CALB2: variants seen among roughly 807,000 people sequenced by gnomAD.
The protein encoded by CALB2 is calbindin 2.
A neutral mutation model predicts 45.9 loss-of-function variants in CALB2; 34 were observed. That is an observed-to-expected ratio of 0.74 (90% confidence interval 0.56 to 0.99). CALB2 has a LOEUF of 0.99. CALB2 is among the 50% of genes least tolerant of loss of function. The pLI is 0.00. For synonymous variants in CALB2, 142 were observed against 129.6 expected (o/e 1.10, Z -0.65); for missense variants, 344 against 339.3 (o/e 1.01, Z -0.11).
intron 10 of CALB2, among the ~76,000 whole-genome samples, chr16:71,388,346 A>AAGAAAAAG (rs112542398): frequency 1.1e-4 from 15 of 137,152 alleles, no homozygotes; most frequent in East Asian, 8.5e-4. Flanking sequence ...AAAAAAAAAA[A>AAGAAAAAG]AAAAAGAAAA....
intron 3 of CALB2, among the ~76,000 whole-genome samples, chr16:71,375,374 G>A (rs967878622): frequency 3.9e-5 from 6 of 152,028 alleles, no homozygotes; most frequent in African/African-American, 7.2e-5. Context: ...ACAGGTGCAT[G>A]TCAAACACCT....
rs528457622 is a variant in CALB2, at chr16:71,385,204, A to G, written c.627+368A>G. 3.0e-4 allele frequency: 107 copies of G among 354,428 alleles called. No individual in the cohort carries two copies. The East Asian group carries it at 4.8e-3, about 16-fold the overall frequency. 22.0% of individuals were successfully genotyped at this position (354,428 alleles called of 1,614,324 possible). On this transcript the variant is annotated intron_variant, in intron 9 of 10. Coordinates refer to ENST00000302628, the MANE Select transcript of CALB2 (RefSeq NM_001740.5). Reference sequence around the variant, plus strand: ...GGAAGTTGGAAGTTAGATGATCTCCATACCCACCCCTCCCTGGGCTGTCCC... The same window carrying G: ...GGAAGTTGGAAGTTAGATGATCTCCGTACCCACCCCTCCCTGGGCTGTCCC...
chr16:71,358,973 G>A (rs1160718490), intron 1 of CALB2, 87 bp downstream of exon 1: 1 of 1,169,732 alleles, frequency 8.5e-7, no homozygotes, highest in African/African-American at 1.5e-5. Flanking sequence ...ATGCGGGCAG[G>A]TGTACGTTTG....
rs138489091 is a variant in CALB2, at chr16:71,387,112, T to C, written c.699+1464T>C. 4.0e-4 allele frequency among the ~76,000 whole-genome samples: 61 copies of C among 152,354 alleles called. No individual in the cohort carries two copies. In the East Asian group the frequency reaches 0.011, roughly 28 times the overall value. On this transcript the variant is annotated intron_variant, in intron 10 of 10. Transcript: ENST00000302628. Reference sequence around the variant, plus strand: ...GGCATAGTTTGTCTTCATGAGACTCTGTCTTATACCTGAGGTGGATAAACC... The same window carrying C: ...GGCATAGTTTGTCTTCATGAGACTCCGTCTTATACCTGAGGTGGATAAACC...
chr16:71,360,145 G>A (rs554810865), intron 1 of CALB2, among the ~76,000 whole-genome samples: 12 of 152,334 alleles, frequency 7.9e-5, no homozygotes, highest in Admixed American at 5.9e-4. Flanking sequence ...GGCATCAGGT[G>A]TGCCTCACTC....
Position 71,385,579 on chromosome 16 carries a change from T to C in CALB2, c.630T>C (p.Asp210=), listed in dbSNP as rs2042560909. ...FNAIFTFYDK[D]RSGYIDEHEL... is the part of the protein sequence containing the mutation. ...GTTGACTCTGCTCCCATCCCCAGGA[T>C]AGAAGCGGCTACATTGACGAGCATG... Residue 210 remains aspartate, a splice_region_variant and synonymous_variant, in exon 10 of 11, where the codon GAT becomes GAC. Coordinates refer to ENST00000302628, the MANE Select transcript of CALB2 (RefSeq NM_001740.5). 8 of 1,614,068 alleles carry C rather than the reference T, an allele frequency of 5.0e-6. No individual in the cohort carries two copies. The highest frequency in any genetic ancestry group is 2.2e-5 in the East Asian group (1 of 44,864).
chr16:71,362,148 A>G (rs759647301), intron 1 of CALB2, among the ~76,000 whole-genome samples: 4 of 152,070 alleles, frequency 2.6e-5, no homozygotes, highest in African/African-American at 4.8e-5. Flanking sequence ...CTTCCTGGAC[A>G]CTTCTGTATC....
chr16:71,383,491 C>T (rs1193147878), intron 6 of CALB2, 47 bp downstream of exon 6: 1 of 1,554,456 alleles, frequency 6.4e-7, no homozygotes. Context: ...AGGACTTGTG[C>T]CCCAAGCCAC....
At chr16:71,361,568 G>A (rs1258598905) in intron 1 of CALB2, among the ~76,000 whole-genome samples, 1 of 152,042 alleles carries the variant, frequency 6.6e-6, no homozygotes, top group Admixed American at 6.5e-5. Flanking sequence ...CCCTGGAGTG[G>A]GCTCGCTGGA....
chr16:71,388,701 C>T (rs2042599843), intron 10 of CALB2, among the ~76,000 whole-genome samples: 1 of 151,868 alleles, frequency 6.6e-6, no homozygotes, highest in Non-Finnish European at 1.5e-5. Context: ...TAAATAGGGG[C>T]TGGGTGCAGT....
intron 1 of CALB2, among the ~76,000 whole-genome samples, chr16:71,368,470 T>C (rs1041086407): frequency 3.3e-5 from 5 of 152,114 alleles, no homozygotes; most frequent in Non-Finnish European, 7.4e-5. Flanking sequence ...ATCCAGCCAC[T>C]GCACTCCAAC....
intron 6 of CALB2, 120 bp from the exon 7 acceptor site, chr16:71,383,850 A>C: frequency 8.7e-7 from 1 of 1,153,234 alleles, no homozygotes; most frequent in Non-Finnish European, 1.3e-6. Flanking sequence ...GCCCCTACGG[A>C]CCTCAGAGGA....
chr16:71,377,843 G>A, intron 4 of CALB2, 96 bp downstream of exon 4: 1 of 843,560 alleles, frequency 1.2e-6, no homozygotes. Flanking sequence ...AATGGTCCCT[G>A]GGAGATGCTA....
intron 10 of CALB2, among the ~76,000 whole-genome samples, chr16:71,388,779 G>A (rs1171414943): frequency 2.0e-5 from 3 of 150,064 alleles, no homozygotes; most frequent in South Asian, 2.1e-4. Context: ...TCAGGAGTTC[G>A]AAACCAGCCT....
intron 3 of CALB2, 70 bp downstream of exon 3, chr16:71,374,904 G>A (rs571782306): frequency 2.5e-5 from 26 of 1,059,732 alleles, no homozygotes; most frequent in Non-Finnish European, 5.8e-6. Context: ...TCCCAGGCAT[G>A]AGCATCCTGC....
intron 1 of CALB2, 146 bp downstream of exon 1, chr16:71,359,032 G>A (rs1226429097): frequency 2.9e-6 from 2 of 681,198 alleles, no homozygotes; most frequent in East Asian, 5.5e-5. Context: ...AGTGGTCCCG[G>A]GTTTGGGAGA....
At chr16:71,365,813 G>T (rs937229735) in intron 1 of CALB2, among the ~76,000 whole-genome samples, 1 of 151,780 alleles carries the variant, frequency 6.6e-6, no homozygotes, top group Non-Finnish European at 1.5e-5. Context: ...GCTCTGAAGC[G>T]GTTCCAAGCC....
At chr16:71,373,322 G>C (rs910785058) in intron 2 of CALB2, among the ~76,000 whole-genome samples, 10 of 152,172 alleles carry the variant, frequency 6.6e-5, no homozygotes, top group African/African-American at 2.4e-4. Context: ...AAGCTTGGCA[G>C]AGCGCCCCAA....
chr16:71,375,977 G>A (rs1405476538), intron 3 of CALB2, among the ~76,000 whole-genome samples: 1 of 152,248 alleles, frequency 6.6e-6, no homozygotes, highest in East Asian at 1.9e-4. Flanking sequence ...TGAGCTGTTA[G>A]CAGTCTGACT....
Sources: allele counts gnomAD v4.1 joint callset (sites outside exome capture counted in the v4.1 genomes callset), GRCh38; gene constraint gnomAD v4.1.1; transcripts MANE v1.5; gene names NCBI Gene and HGNC (gene_info 2026-07-23, HGNC 2026-07-21).